The following KHDRBS2 variants were observed in gnomAD, a reference collection of about 807,000 sequenced individuals.
The protein encoded by KHDRBS2 is KH RNA binding domain containing, signal transduction associated 2, also known as KH domain-containing, RNA-binding, signal transduction-associated protein 2.
KHDRBS2 carries 26 observed loss-of-function variants against 44.3 expected under a neutral mutation model. The ratio of observed to expected loss-of-function variants is 0.59; its 90% CI spans 0.43 to 0.81. The LOEUF (loss-of-function observed/expected upper bound fraction) is 0.81. Among genes scored for constraint, KHDRBS2 ranks in the 40% least tolerant of loss-of-function variants. The probability of loss-of-function intolerance (pLI) is 0.00; values close to 1 mark genes in which losing one functional copy is unlikely to be tolerated. For missense variants in KHDRBS2, 476 were observed against 433.1 expected, an observed-to-expected ratio of 1.10 and a Z score of -0.88; for synonymous variants, 194 against 151.1, an observed-to-expected ratio of 1.28 and a Z score of -2.08.
chr6:61,629,867 C>T, the KHDRBS2 span, among the ~76,000 whole-genome samples: 1 of 152,168 alleles, frequency 6.6e-6, no homozygotes, highest in East Asian at 1.9e-4. Context: ...TTGTAAGAGT[C>T]CACATTATTT....
intron 5 of KHDRBS2, among the ~76,000 whole-genome samples, chr6:61,899,562 T>G (rs1186224936): frequency 6.6e-6 from 1 of 151,978 alleles, no homozygotes; most frequent in African/African-American, 2.4e-5. Flanking sequence ...TGTTTTCAAT[T>G]ATTTAAATGG....
rs1794910360 is a variant in KHDRBS2 at position 61,848,544 on chromosome 6, TATATATAC to T, written c.810+46083_810+46090del. 5.7e-5 allele frequency among the ~76,000 whole-genome samples: 3 copies of T among 52,418 alleles called. No individual in the cohort carries two copies. In the African/African-American group the frequency reaches 5.8e-4, roughly 10 times the overall value. 34.4% of individuals were successfully genotyped at this position (52,418 alleles called of 152,430 possible). A position where few individuals can be genotyped will look rare whatever the true frequency, so the allele number is the denominator to read the frequency against. ...GTATATATATATACATATATATGTA[TATATATAC>T]ATATATATATGTATATATATATACA... On this transcript the variant is annotated intron_variant, in intron 6 of 8. Coordinates refer to ENST00000281156, the MANE Select transcript of KHDRBS2 (RefSeq NM_152688.4).
intron 4 of KHDRBS2, among the ~76,000 whole-genome samples, chr6:61,954,794 ATATG>A (rs754578814): frequency 0.012 from 1,157 of 99,702 alleles, 78 homozygotes; most frequent in African/African-American, 0.03. Context: ...ATACACATGC[ATATG>A]TATGTATACA....
At chr6:61,777,435 C>G (rs1582787844) in intron 6 of KHDRBS2, among the ~76,000 whole-genome samples, 1 of 152,096 alleles carries the variant, frequency 6.6e-6, no homozygotes, top group Non-Finnish European at 1.5e-5. Flanking sequence ...CTCAGCAATG[C>G]TAGAGGAGGT....
chr6:62,182,174 T>G (rs1357809357), intron 1 of KHDRBS2, among the ~76,000 whole-genome samples: 1 of 152,030 alleles, frequency 6.6e-6, no homozygotes, highest in African/African-American at 2.4e-5. Context: ...TGTTTATTGT[T>G]TGTAAGGCAC....
At chr6:61,574,815 G>A in the KHDRBS2 span, among the ~76,000 whole-genome samples, 13 of 151,974 alleles carry the variant, frequency 8.6e-5, no homozygotes, top group Admixed American at 7.9e-4. Flanking sequence ...AGGCTGAGGC[G>A]AGATAATTGC....
At chr6:62,110,070 G>C (rs928242119) in intron 2 of KHDRBS2, among the ~76,000 whole-genome samples, 1 of 151,754 alleles carries the variant, frequency 6.6e-6, no homozygotes, top group African/African-American at 2.4e-5. Flanking sequence ...TGCTCAAGTG[G>C]ATAAAACGAC....
intron 3 of KHDRBS2, among the ~76,000 whole-genome samples, chr6:61,996,107 G>A (rs996183610): frequency 1.3e-5 from 2 of 152,072 alleles, no homozygotes; most frequent in African/African-American, 4.8e-5. Flanking sequence ...ACTGTCCTTC[G>A]AAGACAACTT....
At chr6:61,977,635 CATT>C (rs1277974950) in intron 4 of KHDRBS2, among the ~76,000 whole-genome samples, 1 of 152,094 alleles carries the variant, frequency 6.6e-6, no homozygotes, top group African/African-American at 2.4e-5. Flanking sequence ...TAAATGATAT[CATT>C]GTCTTATTTC....
intron 1 of KHDRBS2, among the ~76,000 whole-genome samples, chr6:62,283,094 G>A (rs1561916099): frequency 6.6e-6 from 1 of 152,124 alleles, no homozygotes; most frequent in African/African-American, 2.4e-5. Context: ...ATATTCAAAA[G>A]CACCTACCAT....
At chr6:62,096,603 C>T (rs1433076293) in intron 2 of KHDRBS2, among the ~76,000 whole-genome samples, 1 of 151,632 alleles carries the variant, frequency 6.6e-6, no homozygotes, top group Admixed American at 6.6e-5. Flanking sequence ...TTATCGGAGT[C>T]TTCTCATTTT....
intron 6 of KHDRBS2, among the ~76,000 whole-genome samples, chr6:61,821,435 G>T (rs1161533296): frequency 6.6e-6 from 1 of 151,980 alleles, no homozygotes; most frequent in African/African-American, 2.4e-5. Flanking sequence ...GTGGACACAG[G>T]ATATGAGTGA....
chr6:62,230,709 G>C (rs1407696332), intron 1 of KHDRBS2, among the ~76,000 whole-genome samples: 4 of 152,066 alleles, frequency 2.6e-5, no homozygotes, highest in Non-Finnish European at 5.9e-5. Context: ...TGAAAGTTAG[G>C]GGGAATGATC....
intron 7 of KHDRBS2, among the ~76,000 whole-genome samples, chr6:61,726,325 G>T (rs1302452537): frequency 6.6e-6 from 1 of 152,082 alleles, no homozygotes; most frequent in East Asian, 1.9e-4. Context: ...CATACTAAAT[G>T]GGCAAATGCT....
intron 2 of KHDRBS2, among the ~76,000 whole-genome samples, chr6:62,102,037 T>C (rs1802017098): frequency 6.6e-6 from 1 of 152,226 alleles, no homozygotes; most frequent in Non-Finnish European, 1.5e-5. Context: ...GTTATGTCAT[T>C]GTTTCAGGTA....
In KHDRBS2 at chr6:61,848,556, T is replaced by C. The variant is rs1323437506; in HGVS notation, c.810+46079A>G. Among the ~76,000 whole-genome samples the C allele has an allele frequency of 5.5e-3, 191 of 34,530 alleles. 22 individuals are homozygous for C. The highest frequency in any genetic ancestry group is 0.031 in the African/African-American group (179 of 5,700). 22.7% of individuals were successfully genotyped at this position (34,530 alleles called of 152,430 possible). Reference sequence around the variant, plus strand: ...ACATATATATGTATATATATACATATATATATGTATATATATATACATATA... The same window carrying C: ...ACATATATATGTATATATATACATACATATATGTATATATATATACATATA... On this transcript the variant is annotated intron_variant, in intron 6 of 8. Coordinates refer to ENST00000281156, the MANE Select transcript of KHDRBS2 (RefSeq NM_152688.4).
At chr6:62,074,160 G>T (rs1462314088) in intron 2 of KHDRBS2, among the ~76,000 whole-genome samples, 4 of 151,812 alleles carry the variant, frequency 2.6e-5, no homozygotes, top group South Asian at 2.1e-4. Context: ...TAACTTCACT[G>T]ACACAAGGAT....
At chr6:61,549,310 A>C in the KHDRBS2 span, among the ~76,000 whole-genome samples, 2 of 152,300 alleles carry the variant, frequency 1.3e-5, no homozygotes, top group East Asian at 3.9e-4. Flanking sequence ...TTTCAAACAC[A>C]TTTGGTCTCA....
chr6:61,719,731 T>C (rs538025160), intron 7 of KHDRBS2, among the ~76,000 whole-genome samples: 2 of 152,238 alleles, frequency 1.3e-5, no homozygotes, highest in African/African-American at 4.8e-5. Context: ...CAGTCATTAA[T>C]GTCATTCAGT....
Sources: allele counts gnomAD v4.1 joint callset (sites outside exome capture counted in the v4.1 genomes callset), GRCh38; gene constraint gnomAD v4.1.1; transcripts MANE v1.5; gene names NCBI Gene and HGNC (gene_info 2026-07-23, HGNC 2026-07-21).